Variants in PPIL2 observed in about 807,000 individuals in gnomAD.
PPIL2 encodes the protein RING-type E3 ubiquitin-protein ligase PPIL2.
Under a neutral mutation model 75.2 loss-of-function variants are expected in PPIL2, and 50 were observed. The observed-to-expected ratio is 0.66, with a 90% CI of 0.53 to 0.84. PPIL2 has a LOEUF of 0.84. Ranked by LOEUF, PPIL2 falls within the 40% of genes least tolerant of loss-of-function variation. The pLI, the probability that PPIL2 is intolerant of heterozygous loss-of-function variation, is 0.00. For missense variants in PPIL2, 590 were observed against 685.0 expected (o/e 0.86, Z 1.55); for synonymous variants, 245 against 258.8 (o/e 0.95, Z 0.51).
chr22:21,674,731 CT>C (rs1488460770), intron 5 of PPIL2, among the ~76,000 whole-genome samples: 5 of 152,194 alleles, frequency 3.3e-5, no homozygotes, highest in Admixed American at 6.5e-5. Flanking sequence ...AATATGTTCA[CT>C]TTTTAATTTT....
chr22:21,676,307 T>G (rs1196122042), intron 6 of PPIL2, among the ~76,000 whole-genome samples: 136 of 36,680 alleles, frequency 3.7e-3, no homozygotes, highest in African/African-American at 3.9e-3. Flanking sequence ...TATTTATTTA[T>G]TTTGTGTGTG....
chr22:21,696,866 AC>A lies in PPIL2; in HGVS notation c.*1380del. On this transcript the variant is annotated 3_prime_UTR_variant, in exon 20 of 20. Coordinates refer to ENST00000398831, the MANE Select transcript of PPIL2 (RefSeq NM_014337.4). ...GGCGCCTCATCTGCATCTCTGCCTC[AC>A]CCCATCCACTGCCACAGGCTGCCTG... is the stretch of plus-strand genomic sequence containing the variant. 1.9e-6 allele frequency: 3 copies of A among 1,584,520 alleles called. No homozygotes were observed. Among genetic ancestry groups the A allele is most frequent in the Non-Finnish European group, 2.6e-6 (3 of 1,166,220 alleles).
chr22:21,681,209 T>C, intron 6 of PPIL2, 90 bp from the exon 7 acceptor site: 2 of 1,086,368 alleles, frequency 1.8e-6, no homozygotes, highest in Non-Finnish European at 2.8e-6. Flanking sequence ...GACTTTGGAG[T>C]TCTGTCCTGC....
intron 14 of PPIL2, 92 bp downstream of exon 14, chr22:21,688,198 C>T: frequency 6.7e-7 from 1 of 1,503,286 alleles, no homozygotes; most frequent in Non-Finnish European, 9.2e-7. Context: ...ACAGCTCAGA[C>T]ATGGAATCTG....
chr22:21,685,537 G>A (rs910119248), intron 10 of PPIL2: 6 of 376,852 alleles, frequency 1.6e-5, no homozygotes, highest in East Asian at 8.3e-5. Context: ...TCAAATTCTG[G>A]AAAATTTGAA....
At chr22:21,686,631 T>A (rs1461889952) in intron 11 of PPIL2, 73 bp downstream of exon 11, 1 of 1,444,224 alleles carries the variant, frequency 6.9e-7, no homozygotes, top group African/African-American at 1.4e-5. Flanking sequence ...GCTCCCCGAC[T>A]CCCACTTTAT....
chr22:21,682,574 C>A (rs368047993), intron 8 of PPIL2, 48 bp downstream of exon 8: 40 of 1,434,106 alleles, frequency 2.8e-5, no homozygotes, highest in Non-Finnish European at 3.8e-5. Context: ...GCACCTGCAG[C>A]CAGCCCAGGC....
In PPIL2 at chr22:21,674,865, G is replaced by T. The variant is rs1362886425; in HGVS notation, c.244-199G>T. Among the ~76,000 whole-genome samples the T allele has an allele frequency of 2.0e-5, 3 of 152,158 alleles. No individual in the cohort carries two copies. The South Asian group carries it at 6.2e-4, about 32-fold the overall frequency. On this transcript the variant is annotated intron_variant, in intron 5 of 19. Coordinates refer to ENST00000398831, the MANE Select transcript of PPIL2 (RefSeq NM_014337.4). ...ACGGCTCTTCTCAGAGCGTGGTGGG[G>T]GTGCCACATAAACACAACTGCCCGA...
chr22:21,666,990 C>T (rs1410542570), intron 1 of PPIL2, among the ~76,000 whole-genome samples: 1 of 152,108 alleles, frequency 6.6e-6, no homozygotes, highest in Non-Finnish European at 1.5e-5. Context: ...TGTTGGGCTT[C>T]TCAACAGTAT....
intron 15 of PPIL2, among the ~76,000 whole-genome samples, chr22:21,692,373 C>A (rs879552001): frequency 3.3e-5 from 5 of 151,410 alleles, no homozygotes; most frequent in Admixed American, 6.6e-5. Context: ...CGAGGATGGT[C>A]TCGATCTCCT....
chr22:21,676,307 TTTTGTG>T (rs1339560411), intron 6 of PPIL2, among the ~76,000 whole-genome samples: 7 of 36,692 alleles, frequency 1.9e-4, no homozygotes, highest in South Asian at 1.5e-3. Context: ...TATTTATTTA[TTTTGTG>T]TGTGTGTGTG....
At position 21,686,538 on chromosome 22, in the gene PPIL2, C is replaced by T. The variant is rs768616749; in HGVS notation, c.770C>T (p.Pro257Leu). The T allele has an allele frequency of 6.2e-6, 10 of 1,614,022 alleles. No homozygotes were observed. The Admixed American group carries it at 6.7e-5, about 11-fold the overall frequency. ...SASFTSTAMV[P>L]ETTHEAAAID... ...TCCTTCACCTCCACCGCGATGGTCC[C>T]GGAGACCACACATGAAGCAGGTAGC... is the stretch of plus-strand genomic sequence containing the variant. Residue 257 changes from proline (P) to leucine (L), a missense_variant, in exon 11 of 20, where the codon CCG becomes CTG. Pro to Leu is a moderately conservative substitution (Grantham distance 98). Coordinates refer to ENST00000398831, the MANE Select transcript of PPIL2 (RefSeq NM_014337.4).
intron 1 of PPIL2, among the ~76,000 whole-genome samples, chr22:21,667,773 T>A (rs1601495640): frequency 4.8e-5 from 5 of 104,374 alleles, no homozygotes; most frequent in South Asian, 3.1e-4. Flanking sequence ...AAATTTTTTT[T>A]TTTTTTTTTT....
At chr22:21,670,500 G>A in intron 2 of PPIL2, 66 bp from the exon 3 acceptor site, 1 of 1,511,588 alleles carries the variant, frequency 6.6e-7, no homozygotes, top group Admixed American at 1.7e-5. Flanking sequence ...TGAATTGCTA[G>A]CAGGTGCACA....
chr22:21,670,481 A>C, intron 2 of PPIL2, 85 bp from the exon 3 acceptor site: 1 of 1,498,458 alleles, frequency 6.7e-7, no homozygotes, highest in Non-Finnish European at 9.2e-7. Flanking sequence ...CTTTTTCATA[A>C]GCTGTAACTG....
Position 21,688,531 on chromosome 22 carries a change from G to A in PPIL2, c.1022-201G>A, listed in dbSNP as rs549952451. Among the ~76,000 whole-genome samples the A allele has an allele frequency of 9.8e-5, 15 of 152,324 alleles. No individual in the cohort carries two copies. The East Asian group carries it at 2.9e-3, about 29-fold the overall frequency. Reference sequence around the variant, plus strand: ...CCCCAGGCGGGGCTGGGGTGAGTGGGCAGCAGCCTGCCTGTTTGGAGGCGT... The same window carrying A: ...CCCCAGGCGGGGCTGGGGTGAGTGGACAGCAGCCTGCCTGTTTGGAGGCGT... On this transcript the variant is annotated intron_variant, in intron 14 of 19. Transcript: ENST00000398831.
At position 21,683,086 on chromosome 22, in the gene PPIL2, T is replaced by A; in HGVS notation, c.478-96T>A. On this transcript the variant is annotated intron_variant, in intron 8 of 19. Transcript: ENST00000398831. Reference sequence around the variant, plus strand: ...CAACCTCAGTGTAGCCCTGGCCTCTTCCACACCTCTGACAGCTGGCCGTCC... The same window carrying A: ...CAACCTCAGTGTAGCCCTGGCCTCTACCACACCTCTGACAGCTGGCCGTCC... 3 of 1,083,764 alleles carry A rather than the reference T, an allele frequency of 2.8e-6. No homozygotes were observed. The Admixed American group carries it at 5.1e-5, about 18-fold the overall frequency. The allele number at this position is 1,083,764 out of a possible 1,614,324, so 67.1% of individuals were successfully genotyped here. A position where few individuals can be genotyped will look rare whatever the true frequency, so the allele number is the denominator to read the frequency against.
intron 13 of PPIL2, 121 bp from the exon 14 acceptor site, chr22:21,687,952 T>C: frequency 7.5e-7 from 1 of 1,342,118 alleles, no homozygotes; most frequent in Non-Finnish European, 1.1e-6. Context: ...GGGCCCCTCA[T>C]TATCACCAAG....
chr22:21,672,400 G>A lies in PPIL2; in HGVS notation c.243+19G>A. 1 of 1,588,658 alleles carries A rather than the reference G, an allele frequency of 6.3e-7. No individual in the cohort carries two copies. The highest frequency in any genetic ancestry group is 8.6e-7 in the Non-Finnish European group (1 of 1,156,884). ...TGGAGAGGTAGGTGGCTGTGCAGGA[G>A]TTTCAGTGATGCTAGTGAATGCTAT... On this transcript the variant is annotated intron_variant, in intron 5 of 19. Transcript: ENST00000398831.
Sources: gnomAD v4.1 joint callset for allele counts (sites outside exome capture counted in the v4.1 genomes callset) on GRCh38, gnomAD v4.1.1 for gene constraint, MANE v1.5 for transcripts, NCBI Gene and HGNC (gene_info 2026-07-23, HGNC 2026-07-21) for gene names.